Variants in AHI1 observed in about 807,000 individuals in gnomAD.
AHI1 encodes the protein jouberin.
A neutral mutation model predicts 149.3 loss-of-function variants in AHI1; 123 were observed. The ratio of observed to expected loss-of-function variants is 0.82; its 90% CI spans 0.71 to 0.96. AHI1 has a LOEUF of 0.96. Among genes scored for constraint, AHI1 ranks in the 40% least tolerant of loss-of-function variants. The pLI, the probability that AHI1 is intolerant of heterozygous loss-of-function variation, is 0.00. For missense variants in AHI1, 1,439 were observed against 1,422.7 expected (o/e 1.01, Z -0.18); for synonymous variants, 475 against 459.8 (o/e 1.03, Z -0.42).
chr6:135,340,181 C>A (rs1015805748), intron 24 of AHI1, among the ~76,000 whole-genome samples: 1 of 152,064 alleles, frequency 6.6e-6, no homozygotes, highest in Non-Finnish European at 1.5e-5. Flanking sequence ...ACCAGCCTGA[C>A]CAACACGGTG....
chr6:135,295,649 G>T (rs1782989456), intron 27 of AHI1, among the ~76,000 whole-genome samples: 1 of 152,146 alleles, frequency 6.6e-6, no homozygotes, highest in African/African-American at 2.4e-5. Flanking sequence ...ACAAACTGTG[G>T]TATTTAAAAC....
intron 5 of AHI1, chr6:135,490,408 T>A: frequency 1.5e-6 from 1 of 651,460 alleles, no homozygotes; most frequent in South Asian, 1.9e-5. Context: ...TGTGTGTGTG[T>A]TCTTCCTGTA....
intron 24 of AHI1, among the ~76,000 whole-genome samples, chr6:135,339,079 C>T (rs531868593): frequency 2.4e-4 from 37 of 152,134 alleles, no homozygotes; most frequent in African/African-American, 8.9e-4. Context: ...AGATGCCCAC[C>T]ACCATGTCCC....
chr6:135,334,559 A>G (rs1789084205), intron 24 of AHI1, among the ~76,000 whole-genome samples: 2 of 152,250 alleles, frequency 1.3e-5, no homozygotes, highest in African/African-American at 4.8e-5. Flanking sequence ...ACCTTTTCTT[A>G]CTGCGAATCA....
At chr6:135,433,280 T>C (rs752653608) in intron 15 of AHI1, 24 bp from the exon 16 acceptor site, 9 of 1,520,526 alleles carry the variant, frequency 5.9e-6, no homozygotes, top group Non-Finnish European at 8.1e-6. Flanking sequence ...AGAAGTTACA[T>C]ATTGCTTCTG....
At chr6:135,487,227 A>C (rs1794609016) in intron 5 of AHI1, among the ~76,000 whole-genome samples, 1 of 152,120 alleles carries the variant, frequency 6.6e-6, no homozygotes, top group Non-Finnish European at 1.5e-5. Context: ...ACAACTTAGA[A>C]AGTGTAATAA....
Position 135,447,060 on chromosome 6 carries a change from G to A in AHI1, c.1727C>T (p.Pro576Leu), listed in dbSNP as rs1353634812. ...HHESSSVDTE[P>L]GLEESKEVIK... ...TACTTCCTTTGACTCTTCTAATCCA[G>A]GTTCTGTGTCTACTGAGCTTGACTC... is the stretch of plus-strand genomic sequence containing the variant. The change falls in exon 13 of 29, where the codon CCT (proline) becomes CTT (leucine). Residue 576 changes from proline (P) to leucine (L), a missense_variant. By Grantham distance (98) the Pro-to-Leu change is moderately conservative. Transcript: ENST00000265602. 6.2e-7 allele frequency: 1 copy of A among 1,610,704 alleles called. No individual in the cohort carries two copies. Among genetic ancestry groups the A allele is most frequent in the African/African-American group, 1.3e-5 (1 of 74,826 alleles).
chr6:135,428,731 C>T lies in AHI1; in HGVS notation c.2521G>A (p.Ala841Thr). Residue 841 changes from alanine (A) to threonine (T), a missense_variant, in exon 19 of 29, where the codon GCA (alanine) becomes ACA (threonine). Ala to Thr is a moderately conservative substitution (Grantham distance 58). Transcript: ENST00000265602. ...ILVARKFVGAANYREKIHSTL... is the reference protein window; with the variant it reads ...ILVARKFVGATNYREKIHSTL... Reference sequence around the variant, plus strand: ...CTATGAATCTTCTCCCGATAATTTGCTGCTCCTACAAACTTCCTTGCTACT... The same window carrying T: ...CTATGAATCTTCTCCCGATAATTTGTTGCTCCTACAAACTTCCTTGCTACT... The T allele has an allele frequency of 6.2e-7, 1 of 1,605,052 alleles. No individual in the cohort carries two copies.
chr6:135,476,442 G>A (rs962395674), intron 5 of AHI1, among the ~76,000 whole-genome samples: 1 of 151,786 alleles, frequency 6.6e-6, no homozygotes, highest in Admixed American at 6.6e-5. Context: ...ATATGCACTA[G>A]AAAACAATGA....
chr6:135,439,428 C>T (rs1297543071), intron 14 of AHI1, among the ~76,000 whole-genome samples: 2 of 152,140 alleles, frequency 1.3e-5, no homozygotes, highest in African/African-American at 4.8e-5. Context: ...TCACCCAGTG[C>T]TTTTGTTCAA....
intron 23 of AHI1, among the ~76,000 whole-genome samples, chr6:135,363,932 C>T (rs1356904516): frequency 9.6e-5 from 14 of 145,214 alleles, no homozygotes; most frequent in African/African-American, 2.3e-4. Context: ...GGCGGCTGGC[C>T]GGGCGGGGGG....
At chr6:135,412,144 T>A (rs2127976356) in intron 20 of AHI1, among the ~76,000 whole-genome samples, 1 of 152,178 alleles carries the variant, frequency 6.6e-6, no homozygotes, top group East Asian at 1.9e-4. Context: ...TATCCATGAA[T>A]TCAACCAACT....
intron 22 of AHI1, 41 bp downstream of exon 22, chr6:135,404,910 A>G: frequency 6.3e-7 from 1 of 1,584,314 alleles, no homozygotes; most frequent in Non-Finnish European, 8.7e-7. Context: ...GAGCATCACT[A>G]TACCTTTGAA....
intron 24 of AHI1, among the ~76,000 whole-genome samples, chr6:135,327,510 T>C (rs919073826): frequency 6.6e-6 from 1 of 152,220 alleles, no homozygotes; most frequent in Non-Finnish European, 1.5e-5. Context: ...TGTGGTGTTA[T>C]AATATGTATT....
At chr6:135,470,209 GA>G (rs1336131746) in intron 5 of AHI1, among the ~76,000 whole-genome samples, 1 of 152,088 alleles carries the variant, frequency 6.6e-6, no homozygotes, top group African/African-American at 2.4e-5. Flanking sequence ...CAACAAACAT[GA>G]TAAAAAGGTC....
At chr6:135,473,750 T>C (rs1264725007) in intron 5 of AHI1, among the ~76,000 whole-genome samples, 1 of 40,214 alleles carries the variant, frequency 2.5e-5, no homozygotes, top group African/African-American at 3.8e-5. Flanking sequence ...ACACATTTTT[T>C]CTATTATAAT....
At chr6:135,384,357 T>C (rs1431581694) in intron 23 of AHI1, among the ~76,000 whole-genome samples, 4 of 152,214 alleles carry the variant, frequency 2.6e-5, no homozygotes, top group Admixed American at 2.6e-4. Flanking sequence ...ATTTAAAACC[T>C]TTCACTTGTA....
intron 21 of AHI1, among the ~76,000 whole-genome samples, chr6:135,409,579 T>C (rs2128506541): frequency 6.6e-6 from 1 of 152,302 alleles, no homozygotes; most frequent in East Asian, 1.9e-4. Flanking sequence ...CACTGATTTA[T>C]CTTTCTATCT....
At chr6:135,362,854 C>T (rs1052631022) in intron 23 of AHI1, among the ~76,000 whole-genome samples, 2 of 151,952 alleles carry the variant, frequency 1.3e-5, no homozygotes, top group South Asian at 2.1e-4. Flanking sequence ...TGTGCAGAAG[C>T]CTTTTAGTTT....
Sources: allele counts gnomAD v4.1 joint callset (sites outside exome capture counted in the v4.1 genomes callset), GRCh38; gene constraint gnomAD v4.1.1; transcripts MANE v1.5; gene names NCBI Gene and HGNC (gene_info 2026-07-23, HGNC 2026-07-21).